ZFAT: variants seen among roughly 807,000 people sequenced by gnomAD.
ZFAT encodes the protein zinc finger protein ZFAT.
Under a neutral mutation model 117.7 loss-of-function variants are expected in ZFAT, and 64 were observed. That is an observed-to-expected ratio of 0.54 (90% confidence interval 0.44 to 0.67). The LOEUF (loss-of-function observed/expected upper bound fraction) is 0.67, where lower values mean the gene tolerates loss of function less well. Among genes scored for constraint, ZFAT ranks in the 30% least tolerant of loss-of-function variants. The pLI is 0.00. For missense variants in ZFAT, 1,433 were observed against 1,584.5 expected (o/e 0.90, Z 1.62); for synonymous variants, 679 against 615.0 (o/e 1.10, Z -1.54).
chr8:134,585,774 C>G (rs1430489636), intron 9 of ZFAT, among the ~76,000 whole-genome samples: 4 of 152,140 alleles, frequency 2.6e-5, no homozygotes, highest in African/African-American at 9.7e-5. Flanking sequence ...AAGACACTGT[C>G]TACTCTAAAT....
intron 8 of ZFAT, among the ~76,000 whole-genome samples, chr8:134,588,727 C>G (rs904913821): frequency 2.6e-5 from 4 of 152,142 alleles, no homozygotes; most frequent in African/African-American, 9.7e-5. Context: ...CTAGAGAAAA[C>G]AAGAAACAGA....
intron 1 of ZFAT, among the ~76,000 whole-genome samples, chr8:134,707,256 C>T (rs1834175123): frequency 6.6e-6 from 1 of 152,174 alleles, no homozygotes. Flanking sequence ...ATACTCAAGG[C>T]TTACTTCCAT....
the ZFAT span, chr8:134,795,477 A>G: frequency 6.6e-6 from 1 of 152,242 alleles, no homozygotes; most frequent in Non-Finnish European, 1.5e-5. Context: ...CAGTTATTAC[A>G]TGCATGTGTG....
At chr8:134,668,814 G>A (rs999625837) in intron 1 of ZFAT, among the ~76,000 whole-genome samples, 4 of 152,180 alleles carry the variant, frequency 2.6e-5, no homozygotes, top group Non-Finnish European at 5.9e-5. Flanking sequence ...CAAGCTAAAG[G>A]AGGAAGTTCA....
intron 10 of ZFAT, among the ~76,000 whole-genome samples, chr8:134,566,789 G>T (rs905269117): frequency 5.3e-5 from 8 of 152,146 alleles, no homozygotes; most frequent in Admixed American, 2.0e-4. Context: ...GCAGATTTTG[G>T]TCTGTATGTT....
chr8:134,633,200 CTG>C (rs35736802), intron 3 of ZFAT, among the ~76,000 whole-genome samples: 56,538 of 151,874 alleles, frequency 0.37, 11,849 homozygotes, highest in East Asian at 0.89. Flanking sequence ...CTGAAACTAT[CTG>C]TGTCTCTGTT....
At chr8:134,755,499 G>A in the ZFAT span, among the ~76,000 whole-genome samples, 1 of 151,568 alleles carries the variant, frequency 6.6e-6, no homozygotes, top group Non-Finnish European at 1.5e-5. Context: ...ATTTTACTGA[G>A]TTCTTTTTGG....
At chr8:134,609,560 C>T (rs1000657622) in intron 4 of ZFAT, among the ~76,000 whole-genome samples, 7 of 152,108 alleles carry the variant, frequency 4.6e-5, no homozygotes, top group African/African-American at 1.7e-4. Context: ...AGAATTTATT[C>T]AGATTTTTCA....
chr8:134,593,743 C>G (rs1200493674), intron 7 of ZFAT, among the ~76,000 whole-genome samples: 1 of 152,200 alleles, frequency 6.6e-6, no homozygotes, highest in Non-Finnish European at 1.5e-5. Flanking sequence ...GTGGGGGTTT[C>G]TACTCAACCA....
At chr8:134,643,225 T>G (rs1047223973) in intron 2 of ZFAT, among the ~76,000 whole-genome samples, 2 of 152,232 alleles carry the variant, frequency 1.3e-5, no homozygotes, top group African/African-American at 4.8e-5. Context: ...AGGGAATTAA[T>G]AAATGGCAGA....
rs1467443021 is a variant in ZFAT at position 134,637,711 on chromosome 8, C to T, written c.198G>A (p.Glu66=). The change falls in exon 3 of 16, where the codon GAG becomes GAA. Residue 66 remains glutamate (E), a splice_region_variant and synonymous_variant. Transcript: ENST00000377838. ...EPPNSSKTGD[E]FLVMKRKRGR... ...CTCTCTTCCTCTTCATGACCAAAAA[C>T]TCTACAGAGGAAACAAGAGGGCACA... 6.2e-7 allele frequency: 1 copy of T among 1,613,306 alleles called. No homozygotes were observed. The highest frequency in any genetic ancestry group is 1.7e-5 in the Admixed American group (1 of 60,008).
At chr8:134,484,421 C>T (rs990587690) in intron 15 of ZFAT, among the ~76,000 whole-genome samples, 1 of 152,308 alleles carries the variant, frequency 6.6e-6, no homozygotes, top group African/African-American at 2.4e-5. Context: ...CCAGCTGCTG[C>T]CTGCCCTTGG....
chr8:134,763,300 A>C, the ZFAT span, among the ~76,000 whole-genome samples: 662 of 152,306 alleles, frequency 4.3e-3, 3 homozygotes, highest in Non-Finnish European at 7.1e-3. Context: ...GTTACACTTA[A>C]TCCCTTTCAC....
intron 9 of ZFAT, among the ~76,000 whole-genome samples, chr8:134,585,485 T>A (rs150043868): frequency 1.3e-3 from 192 of 152,316 alleles, no homozygotes; most frequent in Middle Eastern, 6.8e-3. Context: ...ATGCACTGTC[T>A]CCCAGTCCTG....
At chr8:134,684,637 T>G (rs955050046) in intron 1 of ZFAT, among the ~76,000 whole-genome samples, 7 of 152,210 alleles carry the variant, frequency 4.6e-5, no homozygotes, top group Admixed American at 4.6e-4. Context: ...TCCCTTCCTT[T>G]ATGTAATAAA....
chr8:134,813,366 C>T, the ZFAT span, among the ~76,000 whole-genome samples: 3 of 152,194 alleles, frequency 2.0e-5, no homozygotes, highest in African/African-American at 7.2e-5. Context: ...ACCAAAGAGA[C>T]AGATAATACC....
chr8:134,713,023 A>T lies in ZFAT; in HGVS notation c.-160T>A, dbSNP rs1005156820. ...TTATGGCGAATCTGCGGCATCCAAC[A>T]TGGCGGATGGAGTCTTCGCCCTCCT... On this transcript the variant is annotated 5_prime_UTR_variant, in exon 1 of 16. An upstream start codon of the reference 5' UTR is lost. Coordinates refer to ENST00000377838, the MANE Select transcript of ZFAT (RefSeq NM_020863.4). 9.9e-6 allele frequency: 8 copies of T among 806,590 alleles called. No individual in the cohort carries two copies. Among genetic ancestry groups the T allele is most frequent in the Non-Finnish European group, 1.4e-5 (8 of 574,116 alleles). The allele number at this position is 806,590 out of a possible 1,614,324, so 50.0% of individuals were successfully genotyped here.
At chr8:134,550,648 C>T (rs1823092974) in intron 11 of ZFAT, among the ~76,000 whole-genome samples, 1 of 152,204 alleles carries the variant, frequency 6.6e-6, no homozygotes, top group African/African-American at 2.4e-5. Flanking sequence ...ATATTGCACA[C>T]TCTTAGACAG....
the ZFAT span, among the ~76,000 whole-genome samples, chr8:134,822,647 T>TG: frequency 6.6e-6 from 1 of 152,106 alleles, no homozygotes; most frequent in Non-Finnish European, 1.5e-5. Flanking sequence ...GAAGGACAGA[T>TG]GGGGGATTAT....
Sources: gnomAD v4.1 joint callset for allele counts (sites outside exome capture counted in the v4.1 genomes callset) on GRCh38, gnomAD v4.1.1 for gene constraint, MANE v1.5 for transcripts, NCBI Gene and HGNC (gene_info 2026-07-23, HGNC 2026-07-21) for gene names.